RPH3A: variants seen among roughly 807,000 people sequenced by gnomAD.
The protein encoded by RPH3A is rabphilin 3A.
Under a neutral mutation model 102.2 loss-of-function variants are expected in RPH3A, and 48 were observed. The observed-to-expected ratio is 0.47, with a 90% CI of 0.37 to 0.60. The LOEUF (loss-of-function observed/expected upper bound fraction) is 0.60. Ranked by LOEUF, RPH3A falls within the 20% of genes least tolerant of loss-of-function variation. The pLI, the probability that RPH3A is intolerant of heterozygous loss-of-function variation, is 0.00. For missense variants in RPH3A, 781 were observed against 910.1 expected (o/e 0.86, Z 1.83); for synonymous variants, 310 against 324.3 (o/e 0.96, Z 0.47).
chr12:112,772,040 A>T (rs1295306876), intron 1 of RPH3A, among the ~76,000 whole-genome samples: 1 of 152,236 alleles, frequency 6.6e-6, no homozygotes, highest in African/African-American at 2.4e-5. Flanking sequence ...CCCTACAATG[A>T]TGACAGCTAC....
At chr12:112,851,433 C>T (rs933514351) in intron 5 of RPH3A, among the ~76,000 whole-genome samples, 8 of 152,120 alleles carry the variant, frequency 5.3e-5, no homozygotes, top group Non-Finnish European at 1.0e-4. Flanking sequence ...AAGTTGAAAC[C>T]CTTTCTGTGC....
At chr12:112,714,698 G>A (rs1004656971) in intron 1 of RPH3A, among the ~76,000 whole-genome samples, 2 of 152,154 alleles carry the variant, frequency 1.3e-5, no homozygotes, top group African/African-American at 2.4e-5. Flanking sequence ...CATAGGTTTT[G>A]TCTCATAGGG....
At chr12:112,612,655 C>T (rs2039647958) in intron 1 of RPH3A, among the ~76,000 whole-genome samples, 1 of 148,802 alleles carries the variant, frequency 6.7e-6, no homozygotes, top group African/African-American at 2.5e-5. Context: ...ACCTCAACTT[C>T]CTGGGCTCAA....
At chr12:112,676,714 G>T (rs1159901106) in intron 1 of RPH3A, among the ~76,000 whole-genome samples, 1 of 152,194 alleles carries the variant, frequency 6.6e-6, no homozygotes, top group Non-Finnish European at 1.5e-5. Flanking sequence ...ATGGCTTGGA[G>T]AATGCCAGGC....
At chr12:112,621,978 C>T (rs1028450925) in intron 1 of RPH3A, among the ~76,000 whole-genome samples, 4 of 150,842 alleles carry the variant, frequency 2.7e-5, no homozygotes, top group African/African-American at 9.8e-5. Flanking sequence ...GGTATTCCAA[C>T]AGACCTGCAG....
At chr12:112,682,937 T>G (rs192767549) in intron 1 of RPH3A, among the ~76,000 whole-genome samples, 25 of 152,352 alleles carry the variant, frequency 1.6e-4, no homozygotes, top group Admixed American at 1.5e-3. Context: ...AGGTCTTATC[T>G]TAAAACTTAT....
intron 5 of RPH3A, among the ~76,000 whole-genome samples, chr12:112,859,661 G>C (rs1189444682): frequency 1.3e-5 from 2 of 152,230 alleles, no homozygotes; most frequent in Admixed American, 6.5e-5. Flanking sequence ...AACACAGCAA[G>C]AAGAGTGTGT....
At chr12:112,697,199 C>T (rs529735686) in intron 1 of RPH3A, among the ~76,000 whole-genome samples, 38 of 152,160 alleles carry the variant, frequency 2.5e-4, no homozygotes, top group South Asian at 1.7e-3. Flanking sequence ...TTTCAGGCAA[C>T]ATGATCATGT....
chr12:112,649,031 T>C (rs1007172674), intron 1 of RPH3A, among the ~76,000 whole-genome samples: 4 of 152,194 alleles, frequency 2.6e-5, no homozygotes, highest in African/African-American at 9.7e-5. Context: ...GCTGACCAGA[T>C]TGGTCTCAAA....
intron 1 of RPH3A, among the ~76,000 whole-genome samples, chr12:112,763,101 A>G (rs1181014852): frequency 6.6e-6 from 1 of 152,214 alleles, no homozygotes; most frequent in Non-Finnish European, 1.5e-5. Context: ...GAGGACTGTA[A>G]ACCATATACT....
intron 1 of RPH3A, among the ~76,000 whole-genome samples, chr12:112,631,587 A>C (rs969675954): frequency 2.6e-5 from 4 of 152,104 alleles, no homozygotes; most frequent in African/African-American, 9.7e-5. Flanking sequence ...TGAGCATGGC[A>C]TCATGGCTCA....
At chr12:112,803,942 G>A (rs112199974) in intron 2 of RPH3A, among the ~76,000 whole-genome samples, 6,134 of 152,280 alleles carry the variant, frequency 0.04, 399 homozygotes, top group African/African-American at 0.14. Flanking sequence ...CTCCCTCATA[G>A]AGTGGCTGCG....
chr12:112,863,117 C>T (rs1431418021), intron 5 of RPH3A, among the ~76,000 whole-genome samples: 2 of 152,220 alleles, frequency 1.3e-5, no homozygotes, highest in Non-Finnish European at 2.9e-5. Context: ...CAGGATACCA[C>T]AGTTGTCATT....
chr12:112,718,247 A>C (rs879856601), intron 1 of RPH3A, among the ~76,000 whole-genome samples: 4 of 152,242 alleles, frequency 2.6e-5, no homozygotes, highest in Non-Finnish European at 5.9e-5. Flanking sequence ...TGACCTATTC[A>C]AACCAAACCA....
chr12:112,657,205 T>A (rs936367835), intron 1 of RPH3A, among the ~76,000 whole-genome samples: 5 of 152,160 alleles, frequency 3.3e-5, no homozygotes, highest in Non-Finnish European at 7.3e-5. Flanking sequence ...ATGTTGAGCA[T>A]TTTTTCATAT....
intron 1 of RPH3A, among the ~76,000 whole-genome samples, chr12:112,712,906 C>CTTCTTCTTA (rs2040475636): frequency 9.5e-6 from 1 of 105,612 alleles, no homozygotes; most frequent in Non-Finnish European, 1.8e-5. Context: ...TCTTCTTCCT[C>CTTCTTCTTA]TTCTTCTTCT....
Position 112,690,022 on chromosome 12 carries a change from A to C in RPH3A, c.-139-102121A>C, listed in dbSNP as rs1335388960. Among the ~76,000 whole-genome samples, 3 of 152,212 alleles carry C rather than the reference A, an allele frequency of 2.0e-5. No homozygotes were observed. The South Asian group carries it at 6.2e-4, about 32-fold the overall frequency. On this transcript the variant is annotated intron_variant, in intron 1 of 21. Coordinates refer to the RPH3A transcript ENST00000543106. ...GTGAGGAGGGGATATTTTCCTTTAG[A>C]ATATTTTAGTTTTCTTCCAAAAATG...
intron 1 of RPH3A, among the ~76,000 whole-genome samples, chr12:112,724,533 C>G (rs2040573899): frequency 6.6e-6 from 1 of 152,184 alleles, no homozygotes; most frequent in African/African-American, 2.4e-5. Context: ...ACTGCTATTT[C>G]TGCTTTACAG....
At chr12:112,652,975 C>T (rs973801885) in intron 1 of RPH3A, among the ~76,000 whole-genome samples, 3 of 152,122 alleles carry the variant, frequency 2.0e-5, no homozygotes, top group South Asian at 2.1e-4. Context: ...TATTGCTTCT[C>T]GGCTGCAAAT....
Sources: gnomAD v4.1 joint callset for allele counts (sites outside exome capture counted in the v4.1 genomes callset) on GRCh38, gnomAD v4.1.1 for gene constraint, MANE v1.5 for transcripts, NCBI Gene and HGNC (gene_info 2026-07-23, HGNC 2026-07-21) for gene names.